HS3ST5: variants seen among roughly 807,000 people sequenced by gnomAD.
The protein encoded by HS3ST5 is heparan sulfate-glucosamine 3-sulfotransferase 5, also known as heparan sulfate glucosamine 3-O-sulfotransferase 5.
Under a neutral mutation model 25.4 loss-of-function variants are expected in HS3ST5, and 10 were observed. The ratio of observed to expected loss-of-function variants is 0.39; its 90% CI spans 0.24 to 0.67. The LOEUF (loss-of-function observed/expected upper bound fraction) is 0.67. Ranked by LOEUF, HS3ST5 falls within the 30% of genes least tolerant of loss-of-function variation. The probability of loss-of-function intolerance (pLI) is 0.44; values close to 1 mark genes in which losing one functional copy is unlikely to be tolerated. For missense variants in HS3ST5, 324 were observed against 420.7 expected (o/e 0.77, Z 2.01); for synonymous variants, 170 against 162.4 (o/e 1.05, Z -0.36).
At chr6:114,062,335 A>G (rs1773165864) in intron 4 of HS3ST5, among the ~76,000 whole-genome samples, 1 of 152,170 alleles carries the variant, frequency 6.6e-6, no homozygotes, top group Non-Finnish European at 1.5e-5. Flanking sequence ...CATAATTTTA[A>G]TGCTCCTGAT....
chr6:114,150,417 A>C (rs1208597199), intron 3 of HS3ST5, among the ~76,000 whole-genome samples: 1 of 152,244 alleles, frequency 6.6e-6, no homozygotes, highest in Admixed American at 6.5e-5. Flanking sequence ...TCATAAGCAA[A>C]CGTATAGAGG....
intron 3 of HS3ST5, among the ~76,000 whole-genome samples, chr6:114,093,234 A>C (rs180984996): frequency 1.3e-5 from 2 of 152,270 alleles, no homozygotes; most frequent in African/African-American, 4.8e-5. Context: ...CCTGGCTTTC[A>C]GGATGAATGT....
intron 2 of HS3ST5, among the ~76,000 whole-genome samples, chr6:114,226,725 T>C (rs1215325427): frequency 1.3e-5 from 2 of 152,018 alleles, no homozygotes; most frequent in Non-Finnish European, 2.9e-5. Flanking sequence ...GTATTGAGAC[T>C]GTCTTGCTCA....
intron 2 of HS3ST5, among the ~76,000 whole-genome samples, chr6:114,177,644 C>T (rs1370214388): frequency 6.6e-6 from 1 of 152,182 alleles, no homozygotes; most frequent in African/African-American, 2.4e-5. Flanking sequence ...TTCTGAAATC[C>T]ATTTCTGGAA....
At chr6:114,180,253 C>T (rs1779909049) in intron 2 of HS3ST5, among the ~76,000 whole-genome samples, 1 of 152,142 alleles carries the variant, frequency 6.6e-6, no homozygotes, top group South Asian at 2.1e-4. Flanking sequence ...ACATGGGGAT[C>T]CTATACTGCA....
chr6:114,337,469 A>G (rs1323039999), intron 1 of HS3ST5, among the ~76,000 whole-genome samples: 1 of 152,228 alleles, frequency 6.6e-6, no homozygotes, highest in Admixed American at 6.5e-5. Flanking sequence ...CATGGGAAGC[A>G]TAAAACATTC....
chr6:114,070,936 A>G (rs141718658), intron 3 of HS3ST5, among the ~76,000 whole-genome samples: 3 of 152,210 alleles, frequency 2.0e-5, no homozygotes, highest in African/African-American at 7.2e-5. Flanking sequence ...TCCTTCCTCA[A>G]TTTATTCTCC....
intron 1 of HS3ST5, among the ~76,000 whole-genome samples, chr6:114,306,256 TACACAC>T (rs1554226914): frequency 4.3e-5 from 5 of 115,420 alleles, no homozygotes; most frequent in South Asian, 2.5e-4. Flanking sequence ...TATATATATA[TACACAC>T]ACACACACAC....
intron 1 of HS3ST5, among the ~76,000 whole-genome samples, chr6:114,297,633 T>A (rs191607348): frequency 6.6e-6 from 1 of 152,348 alleles, no homozygotes; most frequent in Admixed American, 6.5e-5. Flanking sequence ...CCCTTTGGAA[T>A]CTACTGAGTG....
At chr6:114,086,458 G>T (rs138235458) in intron 3 of HS3ST5, among the ~76,000 whole-genome samples, 3 of 152,262 alleles carry the variant, frequency 2.0e-5, no homozygotes, top group Non-Finnish European at 4.4e-5. Flanking sequence ...CAACCACAAG[G>T]AATTGGATTC....
rs1434137225 is a variant in HS3ST5, at chr6:114,216,818, A to T, written c.-145+11767T>A. On this transcript the variant is annotated intron_variant, in intron 2 of 4. Transcript: ENST00000312719. ...CCTTGATGGAAGGTTGCATGGTTTT[A>T]GTTGGGGAAGGACTTCATGGCTGCC... Among the ~76,000 whole-genome samples, 3 of 150,038 alleles carry T rather than the reference A, an allele frequency of 2.0e-5. No individual in the cohort carries two copies. The South Asian group carries it at 6.5e-4, about 32-fold the overall frequency.
chr6:114,220,983 C>T (rs1782002279), intron 2 of HS3ST5, among the ~76,000 whole-genome samples: 1 of 151,868 alleles, frequency 6.6e-6, no homozygotes, highest in East Asian at 1.9e-4. Context: ...CAAGTAGAGT[C>T]AATTACAAAA....
At chr6:114,157,649 A>G (rs753560182) in intron 3 of HS3ST5, among the ~76,000 whole-genome samples, 4 of 152,234 alleles carry the variant, frequency 2.6e-5, no homozygotes, top group African/African-American at 2.4e-5. Flanking sequence ...TCATTTCACA[A>G]TGTATACATA....
intron 3 of HS3ST5, among the ~76,000 whole-genome samples, chr6:114,126,306 A>G (rs1777035761): frequency 6.6e-6 from 1 of 152,134 alleles, no homozygotes; most frequent in Non-Finnish European, 1.5e-5. Context: ...AGCTCCAGAC[A>G]CACTTATACA....
chr6:114,068,272 G>A (rs908731349), intron 3 of HS3ST5, among the ~76,000 whole-genome samples: 49 of 152,120 alleles, frequency 3.2e-4, no homozygotes, highest in African/African-American at 1.1e-3. Flanking sequence ...TGGAATTTTT[G>A]AGAAATGAGG....
At chr6:114,170,228 A>G (rs1779413070) in intron 2 of HS3ST5, among the ~76,000 whole-genome samples, 1 of 152,112 alleles carries the variant, frequency 6.6e-6, no homozygotes, top group African/African-American at 2.4e-5. Context: ...AAACTAGCTG[A>G]TGATTTTTTT....
At chr6:114,219,745 T>C (rs1194727869) in intron 2 of HS3ST5, among the ~76,000 whole-genome samples, 3 of 152,212 alleles carry the variant, frequency 2.0e-5, no homozygotes, top group Non-Finnish European at 2.9e-5. Context: ...GATGTAGTTT[T>C]AAACTGTGAT....
chr6:114,187,788 G>A (rs1373945148), intron 2 of HS3ST5, among the ~76,000 whole-genome samples: 1 of 152,002 alleles, frequency 6.6e-6, no homozygotes, highest in Non-Finnish European at 1.5e-5. Flanking sequence ...AGGAAGAGTC[G>A]ATCGATGTGG....
intron 3 of HS3ST5, among the ~76,000 whole-genome samples, chr6:114,085,441 T>TTC (rs968488331): frequency 2.0e-5 from 3 of 152,300 alleles, no homozygotes; most frequent in East Asian, 1.9e-4. Context: ...GAGAATTCCA[T>TTC]TCTCTCACAC....
Sources: gnomAD v4.1 joint callset for allele counts (sites outside exome capture counted in the v4.1 genomes callset) on GRCh38, gnomAD v4.1.1 for gene constraint, MANE v1.5 for transcripts, NCBI Gene and HGNC (gene_info 2026-07-23, HGNC 2026-07-21) for gene names.